Variants in ACYP2 observed in about 807,000 individuals in gnomAD.
ACYP2 encodes the protein acylphosphatase 2.
Under a neutral mutation model 11.2 loss-of-function variants are expected in ACYP2, and 12 were observed. The ratio of observed to expected loss-of-function variants is 1.08; its 90% confidence interval spans 0.69 to 1.74. ACYP2 has a LOEUF of 1.74. Ranked by LOEUF, ACYP2 falls within the 40% of genes most tolerant of loss-of-function variation. The probability of loss-of-function intolerance (pLI) is 0.00; values close to 1 mark genes in which losing one functional copy is unlikely to be tolerated. For synonymous variants in ACYP2, 43 were observed against 32.2 expected (o/e 1.33, Z -1.13); for missense variants, 134 against 101.9 (o/e 1.31, Z -1.35).
At chr2:54,015,541 T>C (rs777353264) in intron 2 of ACYP2, among the ~76,000 whole-genome samples, 26 of 151,594 alleles carry the variant, frequency 1.7e-4, no homozygotes, top group Non-Finnish European at 3.1e-4. Context: ...TCCCAGCTAC[T>C]CCTGAGGCTG....
At chr2:54,116,335 C>T (rs1194530834) in intron 4 of ACYP2, among the ~76,000 whole-genome samples, 3 of 152,116 alleles carry the variant, frequency 2.0e-5, no homozygotes. Flanking sequence ...TTAAGTCACT[C>T]TGAGATTTAT....
intron 2 of ACYP2, among the ~76,000 whole-genome samples, chr2:54,044,349 C>A (rs921100600): frequency 6.6e-6 from 1 of 151,940 alleles, no homozygotes; most frequent in Non-Finnish European, 1.5e-5. Context: ...AATCCCAGCA[C>A]TTTGGGAGGC....
chr2:54,011,499 A>C (rs917004574), intron 2 of ACYP2, among the ~76,000 whole-genome samples: 5 of 152,218 alleles, frequency 3.3e-5, no homozygotes, highest in Admixed American at 3.3e-4. Context: ...TCATAATAAT[A>C]GGGAGAAGAT....
intron 6 of ACYP2, chr2:54,253,681 T>G (rs1402023294): frequency 1.3e-5 from 2 of 152,258 alleles, no homozygotes; most frequent in African/African-American, 2.4e-5. Context: ...TTGTTCAGTT[T>G]TCCCTGCCTA....
chr2:54,283,957 A>C (rs2104123654), intron 6 of ACYP2, among the ~76,000 whole-genome samples: 1 of 152,332 alleles, frequency 6.6e-6, no homozygotes, highest in East Asian at 1.9e-4. Context: ...TCTACTAAAA[A>C]TACAAATATT....
At chr2:54,193,471 C>A (rs764824739) in intron 6 of ACYP2, among the ~76,000 whole-genome samples, 1 of 152,116 alleles carries the variant, frequency 6.6e-6, no homozygotes, top group Non-Finnish European at 1.5e-5. Flanking sequence ...CTGACTCTAC[C>A]CTCCATCTGA....
intron 2 of ACYP2, among the ~76,000 whole-genome samples, chr2:54,038,507 A>G (rs565157956): frequency 1.7e-3 from 263 of 151,804 alleles, no homozygotes; most frequent in African/African-American, 6.1e-3. Flanking sequence ...TGATCATTTA[A>G]TCCTTGTAAT....
intron 4 of ACYP2, among the ~76,000 whole-genome samples, chr2:54,111,814 T>C (rs1679476842): frequency 6.6e-6 from 1 of 152,218 alleles, no homozygotes; most frequent in African/African-American, 2.4e-5. Context: ...ATGGATAAAG[T>C]AATTTTGCTT....
intron 4 of ACYP2, among the ~76,000 whole-genome samples, chr2:54,131,922 GA>G (rs533347670): frequency 1.3e-5 from 2 of 152,056 alleles, no homozygotes; most frequent in Non-Finnish European, 2.9e-5. Context: ...TTTATTTTCT[GA>G]AAAAAACTCT....
intron 4 of ACYP2, among the ~76,000 whole-genome samples, chr2:54,078,424 CAT>C (rs55705974): frequency 7.2e-6 from 1 of 139,020 alleles, no homozygotes; most frequent in Non-Finnish European, 1.5e-5. Flanking sequence ...ATATGGTACG[CAT>C]ATATATATAT....
chr2:54,199,453 G>T (rs1440720429), intron 6 of ACYP2, among the ~76,000 whole-genome samples: 1 of 152,160 alleles, frequency 6.6e-6, no homozygotes, highest in Non-Finnish European at 1.5e-5. Context: ...CCTAAGTGAG[G>T]GGCCCTGAAC....
chr2:54,095,459 G>C (rs1236057688), intron 4 of ACYP2, among the ~76,000 whole-genome samples: 6 of 152,060 alleles, frequency 3.9e-5, no homozygotes, highest in Middle Eastern at 3.4e-3. Flanking sequence ...CAGTAGGGGC[G>C]GCCGGGCAGA....
chr2:54,175,868 T>C (rs142733361), intron 6 of ACYP2, among the ~76,000 whole-genome samples: 1 of 152,224 alleles, frequency 6.6e-6, no homozygotes, highest in East Asian at 1.9e-4. Flanking sequence ...CGTTCCCCAG[T>C]GTGATGGTAT....
intron 6 of ACYP2, among the ~76,000 whole-genome samples, chr2:54,249,719 T>C (rs932173215): frequency 5.9e-5 from 9 of 151,942 alleles, no homozygotes; most frequent in African/African-American, 1.9e-4. Flanking sequence ...GGCAGGAGGA[T>C]TGCTTGAGCC....
intron 2 of ACYP2, among the ~76,000 whole-genome samples, chr2:54,048,991 G>T (rs1056380567): frequency 6.6e-6 from 1 of 152,110 alleles, no homozygotes; most frequent in Non-Finnish European, 1.5e-5. Flanking sequence ...GTAATGAGCT[G>T]GGGCCAGGTG....
At chr2:53,988,736 TTTTTGTTTTG>T (rs1191488544) in intron 2 of ACYP2, among the ~76,000 whole-genome samples, 12 of 149,816 alleles carry the variant, frequency 8.0e-5, no homozygotes, top group African/African-American at 3.0e-4. Context: ...CATAATTCAA[TTTTTGTTTTG>T]TTTTGTTTTG....
At chr2:54,063,813 C>T (rs369776558) in intron 4 of ACYP2, among the ~76,000 whole-genome samples, 1 of 152,100 alleles carries the variant, frequency 6.6e-6, no homozygotes, top group Non-Finnish European at 1.5e-5. Context: ...CTGCCAGGAC[C>T]CTGACACGAG....
chr2:54,066,572 C>G (rs781514417), intron 4 of ACYP2, among the ~76,000 whole-genome samples: 13 of 152,138 alleles, frequency 8.5e-5, no homozygotes, highest in Admixed American at 5.2e-4. Flanking sequence ...TATGCCAAAC[C>G]AATGTGCCAT....
intron 4 of ACYP2, among the ~76,000 whole-genome samples, chr2:54,102,718 T>A (rs1018113495): frequency 5.4e-5 from 8 of 149,510 alleles, no homozygotes; most frequent in Admixed American, 1.3e-4. Flanking sequence ...TTGAGAGTTC[T>A]TCTTTCAGGA....
Sources: allele counts gnomAD v4.1 joint callset (sites outside exome capture counted in the v4.1 genomes callset), GRCh38; gene constraint gnomAD v4.1.1; transcripts MANE v1.5; gene names NCBI Gene and HGNC (gene_info 2026-07-23, HGNC 2026-07-21).